PTPRM: variants seen among roughly 807,000 people sequenced by gnomAD.
PTPRM encodes receptor-type tyrosine-protein phosphatase mu.
In PTPRM, 47 loss-of-function variants were observed where a neutral mutation model predicts 186.7. The ratio of observed to expected loss-of-function variants is 0.25; its 90% confidence interval spans 0.20 to 0.32. PTPRM has a LOEUF of 0.32. PTPRM is among the 10% of genes least tolerant of loss of function. PTPRM has a pLI of 1.00. For missense variants in PTPRM, 1,494 were observed against 1,865.0 expected (o/e 0.80, Z 3.66); for synonymous variants, 668 against 674.9 (o/e 0.99, Z 0.16).
intron 2 of PTPRM, among the ~76,000 whole-genome samples, chr18:7,803,546 G>A (rs1208315346): frequency 6.6e-6 from 1 of 152,078 alleles, no homozygotes; most frequent in Non-Finnish European, 1.5e-5. Flanking sequence ...ATTAAGACAC[G>A]GACATCATTG....
intron 7 of PTPRM, among the ~76,000 whole-genome samples, chr18:7,959,894 T>C (rs1308102498): frequency 1.3e-5 from 2 of 152,240 alleles, no homozygotes; most frequent in Non-Finnish European, 2.9e-5. Context: ...GCAGTTCAGC[T>C]ATAGTTGGGT....
intron 19 of PTPRM, among the ~76,000 whole-genome samples, chr18:8,281,333 C>G (rs2094901573): frequency 6.6e-6 from 1 of 152,228 alleles, no homozygotes; most frequent in East Asian, 1.9e-4. Context: ...ACTGTACTCT[C>G]TTCCTCTAGA....
At chr18:8,139,706 C>T (rs1331706204) in intron 13 of PTPRM, among the ~76,000 whole-genome samples, 1 of 152,168 alleles carries the variant, frequency 6.6e-6, no homozygotes. Context: ...CACTCCCTTT[C>T]CTCTTTCAGG....
intron 2 of PTPRM, among the ~76,000 whole-genome samples, chr18:7,865,105 G>T (rs534450247): frequency 5.3e-5 from 8 of 152,252 alleles, no homozygotes; most frequent in African/African-American, 1.9e-4. Flanking sequence ...GGGCTGAGAG[G>T]ATGGGTTTTT....
intron 2 of PTPRM, among the ~76,000 whole-genome samples, chr18:7,789,601 T>A (rs1285840536): frequency 6.6e-6 from 1 of 151,992 alleles, no homozygotes; most frequent in Non-Finnish European, 1.5e-5. Flanking sequence ...TTATCTGGAG[T>A]CCCTAGCAGG....
intron 20 of PTPRM, among the ~76,000 whole-genome samples, chr18:8,297,082 C>T (rs2147885134): frequency 6.6e-6 from 1 of 152,304 alleles, no homozygotes; most frequent in African/African-American, 2.4e-5. Context: ...AATGCTGAGA[C>T]ACGCGCTAGA....
intron 1 of PTPRM, among the ~76,000 whole-genome samples, chr18:7,601,495 C>A (rs750746856): frequency 1.3e-5 from 2 of 152,236 alleles, no homozygotes; most frequent in Non-Finnish European, 2.9e-5. Flanking sequence ...GGAGACACCC[C>A]GTTCCGGGCC....
intron 1 of PTPRM, among the ~76,000 whole-genome samples, chr18:7,761,731 T>A (rs977730073): frequency 2.6e-5 from 4 of 152,228 alleles, no homozygotes; most frequent in African/African-American, 9.6e-5. Context: ...TTTTTCATCC[T>A]GTCCGTTCTC....
intron 2 of PTPRM, among the ~76,000 whole-genome samples, chr18:7,801,803 T>C (rs2043985195): frequency 6.6e-6 from 1 of 152,172 alleles, no homozygotes; most frequent in African/African-American, 2.4e-5. Flanking sequence ...TATGGGACCA[T>C]CCTTGTACAT....
Position 8,361,529 on chromosome 18 carries a change from T to G in PTPRM, c.3055-9361T>G, listed in dbSNP as rs115596593. On this transcript the variant is annotated intron_variant, in intron 23 of 32. Coordinates refer to ENST00000580170, the MANE Select transcript of PTPRM (RefSeq NM_001105244.2). ...GATAATAAACAAACTTAAAAGACAT[T>G]AATAAATTGGTCCAACTTCATACAG... Among the ~76,000 whole-genome samples, 531 of 152,314 alleles carry G rather than the reference T, an allele frequency of 3.5e-3. 2 individuals are homozygous for G. The highest frequency in any genetic ancestry group is 0.012 in the African/African-American group (499 of 41,568).
At chr18:8,128,317 T>C (rs1014122031) in intron 13 of PTPRM, among the ~76,000 whole-genome samples, 5 of 152,208 alleles carry the variant, frequency 3.3e-5, no homozygotes, top group Non-Finnish European at 7.3e-5. Context: ...GTTGTGGGCA[T>C]TTCATATTAA....
chr18:8,254,410 G>A (rs1252952134), intron 19 of PTPRM, among the ~76,000 whole-genome samples: 1 of 152,216 alleles, frequency 6.6e-6, no homozygotes, highest in African/African-American at 2.4e-5. Context: ...CAGGGAGCAG[G>A]ACAGGAAAGT....
rs200897035 is a variant in PTPRM, at chr18:7,769,332, T to G, written c.74-4817T>G. On this transcript the variant is annotated intron_variant, in intron 1 of 32. Transcript: ENST00000580170. Reference sequence around the variant, plus strand: ...AGACCTTGGACAGGCTGTGTAACTTTGTATGCCTTGGTTTCTGTATCTGTA... The same window carrying G: ...AGACCTTGGACAGGCTGTGTAACTTGGTATGCCTTGGTTTCTGTATCTGTA... Among the ~76,000 whole-genome samples the G allele has an allele frequency of 4.6e-5, 7 of 152,294 alleles. No individual in the cohort carries two copies. The East Asian group carries it at 1.4e-3, about 29-fold the overall frequency.
At chr18:8,358,131 T>TCC (rs142247547) in intron 23 of PTPRM, among the ~76,000 whole-genome samples, 18 of 147,516 alleles carry the variant, frequency 1.2e-4, no homozygotes, top group African/African-American at 3.6e-4. Context: ...GGCTAGCTAT[T>TCC]CCCCCCCCCA....
At chr18:7,806,129 A>G (rs999926353) in intron 2 of PTPRM, among the ~76,000 whole-genome samples, 3 of 152,112 alleles carry the variant, frequency 2.0e-5, no homozygotes, top group African/African-American at 7.2e-5. Flanking sequence ...TCTGAACTGA[A>G]CCCACAGTGG....
intron 4 of PTPRM, among the ~76,000 whole-genome samples, chr18:7,909,825 A>T (rs891783339): frequency 3.9e-5 from 6 of 152,230 alleles, no homozygotes; most frequent in Non-Finnish European, 5.9e-5. Context: ...GACTTTAGTG[A>T]CAATAAGATG....
intron 1 of PTPRM, among the ~76,000 whole-genome samples, chr18:7,748,396 G>A (rs2041049387): frequency 1.3e-5 from 2 of 152,198 alleles, no homozygotes. Context: ...TGAGGAGGGA[G>A]TGCCCCCTTC....
intron 2 of PTPRM, among the ~76,000 whole-genome samples, chr18:7,877,912 T>C (rs2048324216): frequency 6.6e-6 from 1 of 152,214 alleles, no homozygotes; most frequent in Admixed American, 6.5e-5. Flanking sequence ...TCTACCAGCC[T>C]GCTCTTGGCA....
intron 20 of PTPRM, among the ~76,000 whole-genome samples, chr18:8,306,357 A>G (rs72916875): frequency 6.6e-6 from 1 of 152,164 alleles, no homozygotes; most frequent in Non-Finnish European, 1.5e-5. Flanking sequence ...GTGCAGATGC[A>G]TGTGAGTTGT....
Sources: allele counts gnomAD v4.1 joint callset (sites outside exome capture counted in the v4.1 genomes callset), GRCh38; gene constraint gnomAD v4.1.1; transcripts MANE v1.5; gene names NCBI Gene and HGNC (gene_info 2026-07-23, HGNC 2026-07-21).